ATL2: variants seen among roughly 807,000 people sequenced by gnomAD.
ATL2 encodes atlastin GTPase 2.
ATL2 carries 31 observed loss-of-function variants against 73.9 expected under a neutral mutation model. That is an observed-to-expected ratio of 0.42 (90% CI 0.32 to 0.57). The LOEUF (loss-of-function observed/expected upper bound fraction) is 0.57, where lower values mean the gene tolerates loss of function less well. Among genes scored for constraint, ATL2 ranks in the 20% least tolerant of loss-of-function variants. ATL2 has a pLI of 0.14. For synonymous variants in ATL2, 291 were observed against 237.5 expected, an observed-to-expected ratio of 1.23 and a Z score of -2.07; for missense variants, 738 against 702.6, an observed-to-expected ratio of 1.05 and a Z score of -0.57.
At chr2:38,325,003 G>C (rs1668518124) in intron 2 of ATL2, among the ~76,000 whole-genome samples, 1 of 152,202 alleles carries the variant, frequency 6.6e-6, no homozygotes, top group Non-Finnish European at 1.5e-5. Flanking sequence ...TGCCACTGAA[G>C]TGTACACTTA....
At chr2:38,338,384 T>G (rs1475853624) in intron 2 of ATL2, among the ~76,000 whole-genome samples, 1 of 152,152 alleles carries the variant, frequency 6.6e-6, no homozygotes, top group Non-Finnish European at 1.5e-5. Context: ...AGATCAATTG[T>G]ACCCCAAACA....
At position 38,329,423 on chromosome 2, in the gene ATL2, C is replaced by CAAAAAAAAAAAA. The variant is rs70954711; in HGVS notation, c.364-10416_364-10405dup. On this transcript the variant is annotated intron_variant, in intron 2 of 12. Coordinates refer to ENST00000378954, the MANE Select transcript of ATL2 (RefSeq NM_001135673.4). ...AGGAGACAGAGCAAGACTCCATCTC[C>CAAAAAAAAAAAA]AAAAAAAAAAAAAAAAAAAAAAAAA... Among the ~76,000 whole-genome samples, 34 of 13,672 alleles carry CAAAAAAAAAAAA rather than the reference C, an allele frequency of 2.5e-3. 2 individuals carry two copies. Among genetic ancestry groups the CAAAAAAAAAAAA allele is most frequent in the African/African-American group, 6.1e-3 (26 of 4,276 alleles). The allele number at this position is 13,672 out of a possible 152,430, so 9.0% of individuals were successfully genotyped here.
At chr2:38,296,672 T>C (rs1024181083) in intron 12 of ATL2, 1 of 1,570,126 alleles carries the variant, frequency 6.4e-7, no homozygotes, top group Non-Finnish European at 8.7e-7. Context: ...AATTTGAGAC[T>C]GTAGGTTTCT....
chr2:38,324,913 C>G (rs1668512906), intron 2 of ATL2, among the ~76,000 whole-genome samples: 1 of 152,138 alleles, frequency 6.6e-6, no homozygotes, highest in Non-Finnish European at 1.5e-5. Flanking sequence ...TTAATGGGCA[C>G]AGAGCTTCAG....
intron 1 of ATL2, among the ~76,000 whole-genome samples, chr2:38,363,607 T>A (rs1374888936): frequency 6.6e-6 from 1 of 152,196 alleles, no homozygotes; most frequent in African/African-American, 2.4e-5. Flanking sequence ...GATAAGCACA[T>A]ATATTTAAAT....
chr2:38,295,970 T>C lies in ATL2; in HGVS notation c.*24A>G. 6.7e-7 allele frequency: 1 copy of C among 1,494,250 alleles called. No homozygotes were observed. The highest frequency in any genetic ancestry group is 9.1e-7 in the Non-Finnish European group (1 of 1,103,878). The allele number at this position is 1,494,250 out of a possible 1,614,324, so 92.6% of individuals were successfully genotyped here. ...CAGCAAGCATGAAAAAAAAAGAGAGTGGAGTCCGTGAGGAGATGAACTGTC... is the reference window on the plus strand; with the variant it reads ...CAGCAAGCATGAAAAAAAAAGAGAGCGGAGTCCGTGAGGAGATGAACTGTC... On this transcript the variant is annotated 3_prime_UTR_variant, in exon 13 of 13. Coordinates refer to ENST00000378954, the MANE Select transcript of ATL2 (RefSeq NM_001135673.4).
Position 38,294,640 on chromosome 2 carries a change from CA to C in ATL2, c.*1353del, listed in dbSNP as rs34388748. Among the ~76,000 whole-genome samples, 47,506 of 142,238 alleles carry C rather than the reference CA, an allele frequency of 0.33. 7,619 individuals are homozygous for C. Among genetic ancestry groups the C allele is most frequent in the South Asian group, 0.48 (2,203 of 4,546 alleles). The allele number at this position is 142,238 out of a possible 152,430, so 93.3% of individuals were successfully genotyped here. A position where few individuals can be genotyped will look rare whatever the true frequency, so the allele number is the denominator to read the frequency against. On this transcript the variant is annotated 3_prime_UTR_variant, in exon 13 of 13. Transcript: ENST00000378954. ...AAAATGCTAGCCTTACATATACCAC[CA>C]AAAAAAAAAAAAGAGAGAGAAAGAA...
intron 1 of ATL2, among the ~76,000 whole-genome samples, chr2:38,367,871 G>A (rs575844792): frequency 6.6e-6 from 1 of 151,056 alleles, no homozygotes; most frequent in Admixed American, 6.6e-5. Flanking sequence ...GACCTCAGGT[G>A]ATCCTCCCAC....
At chr2:38,322,889 A>G (rs568915767) in intron 2 of ATL2, among the ~76,000 whole-genome samples, 2 of 152,316 alleles carry the variant, frequency 1.3e-5, no homozygotes, top group Admixed American at 6.5e-5. Context: ...TCTATTTAAC[A>G]ACAACAACAA....
chr2:38,315,321 G>C lies in ATL2; in HGVS notation c.617C>G (p.Ser206Cys), dbSNP rs1667973412. 3 of 1,497,428 alleles carry C rather than the reference G, an allele frequency of 2.0e-6. No homozygotes were observed. Among genetic ancestry groups the C allele is most frequent in the South Asian group, 2.8e-5 (2 of 72,156 alleles). The allele number at this position is 1,497,428 out of a possible 1,614,324, so 92.8% of individuals were successfully genotyped here. A position where few individuals can be genotyped will look rare whatever the true frequency, so the allele number is the denominator to read the frequency against. Residue 206 changes from serine to cysteine, a missense_variant, in exon 5 of 13, where the codon TCT (serine) becomes TGT (cysteine). Transcript: ENST00000378954. ...MTSSVQVYNL[S>C]QNIQEDDLQH... ...AAGATCATCTTCTTGAATATTCTGA[G>C]ACAGATTATATACCTGTTGAAACAA...
At chr2:38,317,836 T>A (rs1668107405) in intron 4 of ATL2, among the ~76,000 whole-genome samples, 1 of 151,794 alleles carries the variant, frequency 6.6e-6, no homozygotes, top group Admixed American at 6.6e-5. Flanking sequence ...AATGAAAAAC[T>A]AAAGAGACTG....
intron 1 of ATL2, among the ~76,000 whole-genome samples, chr2:38,350,509 T>C (rs1670277022): frequency 6.6e-6 from 1 of 152,198 alleles, no homozygotes; most frequent in Non-Finnish European, 1.5e-5. Context: ...CTATTCTCTA[T>C]AATACGAAAT....
At chr2:38,373,404 T>C (rs1451448322) in intron 1 of ATL2, among the ~76,000 whole-genome samples, 1 of 152,232 alleles carries the variant, frequency 6.6e-6, no homozygotes, top group Non-Finnish European at 1.5e-5. Flanking sequence ...GAACAGGAGT[T>C]GTATGAATAC....
chr2:38,315,226 G>A, intron 5 of ATL2, 58 bp downstream of exon 5: 2 of 1,386,606 alleles, frequency 1.4e-6, no homozygotes, highest in Non-Finnish European at 1.9e-6. Flanking sequence ...ACTCTAGTCT[G>A]GGGAACAAGA....
At chr2:38,333,160 C>T (rs1486912005) in intron 2 of ATL2, among the ~76,000 whole-genome samples, 2 of 152,060 alleles carry the variant, frequency 1.3e-5, no homozygotes, top group South Asian at 2.1e-4. Flanking sequence ...CCCAGGAGTT[C>T]GAGACCAAGC....
chr2:38,375,513 T>C (rs1458698630), intron 1 of ATL2, among the ~76,000 whole-genome samples: 2 of 152,186 alleles, frequency 1.3e-5, no homozygotes, highest in Non-Finnish European at 2.9e-5. Flanking sequence ...TCATCTCTTC[T>C]CAAGATACCA....
intron 1 of ATL2, among the ~76,000 whole-genome samples, chr2:38,360,972 A>G (rs1558452087): frequency 1.3e-5 from 2 of 152,158 alleles, no homozygotes; most frequent in Non-Finnish European, 2.9e-5. Flanking sequence ...ATGGATAAAT[A>G]AAAAATAAGT....
chr2:38,334,285 C>A (rs1348087517), intron 2 of ATL2, among the ~76,000 whole-genome samples: 1 of 151,916 alleles, frequency 6.6e-6, no homozygotes, highest in Non-Finnish European at 1.5e-5. Context: ...TTGCCTCGGC[C>A]TCCTAAAGTG....
chr2:38,365,043 CAA>C (rs562213942), intron 1 of ATL2, among the ~76,000 whole-genome samples: 16,249 of 112,800 alleles, frequency 0.14, 2,684 homozygotes, highest in African/African-American at 0.41. Flanking sequence ...GACTCCGTCT[CAA>C]AAAAAAAAAA....
Sources: allele counts gnomAD v4.1 joint callset (sites outside exome capture counted in the v4.1 genomes callset), GRCh38; gene constraint gnomAD v4.1.1; transcripts MANE v1.5; gene names NCBI Gene and HGNC (gene_info 2026-07-23, HGNC 2026-07-21).